ANTXR1: variants seen among roughly 807,000 people sequenced by gnomAD.
The protein encoded by ANTXR1 is ANTXR cell adhesion molecule 1.
Under a neutral mutation model 78.1 loss-of-function variants are expected in ANTXR1, and 19 were observed. The observed-to-expected ratio is 0.24, with a 90% CI of 0.17 to 0.36. The LOEUF (loss-of-function observed/expected upper bound fraction) is 0.36. Ranked by LOEUF, ANTXR1 falls within the 10% of genes least tolerant of loss-of-function variation. The pLI, the probability that ANTXR1 is intolerant of heterozygous loss-of-function variation, is 1.00. For missense variants in ANTXR1, 518 were observed against 718.6 expected (o/e 0.72, Z 3.19); for synonymous variants, 273 against 260.5 (o/e 1.05, Z -0.46).
chr2:69,114,448 C>A (rs1672078833), intron 10 of ANTXR1, among the ~76,000 whole-genome samples: 1 of 152,182 alleles, frequency 6.6e-6, no homozygotes, highest in Admixed American at 6.5e-5. Flanking sequence ...GGCTGCTAGA[C>A]CCTGGGCCTG....
chr2:69,158,155 G>A (rs1673577619), intron 13 of ANTXR1, among the ~76,000 whole-genome samples: 1 of 152,226 alleles, frequency 6.6e-6, no homozygotes, highest in Non-Finnish European at 1.5e-5. Flanking sequence ...ATAATACAGT[G>A]CCTGGCTCAA....
At chr2:69,039,329 C>G (rs1669544703) in intron 1 of ANTXR1, among the ~76,000 whole-genome samples, 2 of 152,154 alleles carry the variant, frequency 1.3e-5, no homozygotes, top group Admixed American at 1.3e-4. Context: ...AATAAAGAAG[C>G]CCCTTTCCAA....
intron 12 of ANTXR1, among the ~76,000 whole-genome samples, chr2:69,149,723 A>G (rs1673340325): frequency 6.6e-6 from 1 of 152,206 alleles, no homozygotes; most frequent in South Asian, 2.1e-4. Context: ...TTGACAAGAT[A>G]GCTTACATCA....
intron 14 of ANTXR1, among the ~76,000 whole-genome samples, chr2:69,179,680 A>G (rs181675466): frequency 1.3e-5 from 2 of 152,370 alleles, no homozygotes; most frequent in Admixed American, 6.5e-5. Flanking sequence ...ATGAGGTTGC[A>G]TGAGTTCAAA....
intron 2 of ANTXR1, 86 bp downstream of exon 2, chr2:69,040,201 A>G: frequency 1.7e-6 from 2 of 1,211,276 alleles, no homozygotes; most frequent in Admixed American, 1.8e-5. Context: ...TAATTACTAC[A>G]TACTTTGGGG....
At position 69,098,902 on chromosome 2, in the gene ANTXR1, C is replaced by A. The variant is rs528312442; in HGVS notation, c.704-3940C>A. On this transcript the variant is annotated intron_variant, in intron 9 of 17. Transcript: ENST00000303714. Reference sequence around the variant, plus strand: ...TCCGGAGGCTGAGGCAGGAGAATAGCTTTAACTTAGGAGGCGGAGGTTGCA... The same window carrying A: ...TCCGGAGGCTGAGGCAGGAGAATAGATTTAACTTAGGAGGCGGAGGTTGCA... Among the ~76,000 whole-genome samples the A allele has an allele frequency of 6.7e-4, 102 of 152,300 alleles. 1 individual carries two copies. Among genetic ancestry groups the A allele is most frequent in the African/African-American group, 2.4e-3 (99 of 41,554 alleles).
intron 3 of ANTXR1, among the ~76,000 whole-genome samples, chr2:69,066,338 C>T: frequency 6.6e-6 from 1 of 151,862 alleles, no homozygotes; most frequent in Non-Finnish European, 1.5e-5. Flanking sequence ...CTCTTGTTCC[C>T]CAAGCTGGAG....
chr2:69,159,076 G>T (rs1383892038), intron 13 of ANTXR1, among the ~76,000 whole-genome samples: 2 of 152,176 alleles, frequency 1.3e-5, no homozygotes, highest in Admixed American at 1.3e-4. Context: ...GTAATGAGTG[G>T]TTGTGTCATG....
chr2:69,131,607 G>A (rs775420620), intron 12 of ANTXR1, among the ~76,000 whole-genome samples: 36 of 152,144 alleles, frequency 2.4e-4, no homozygotes, highest in Non-Finnish European at 4.7e-4. Context: ...CTTGTTCACC[G>A]TCACAACCCA....
intron 8 of ANTXR1, among the ~76,000 whole-genome samples, chr2:69,084,753 CAG>C (rs1670998145): frequency 6.6e-6 from 1 of 151,224 alleles, no homozygotes; most frequent in Admixed American, 6.6e-5. Context: ...TATTTAAAGT[CAG>C]ATTCTATAGA....
intron 17 of ANTXR1, among the ~76,000 whole-genome samples, chr2:69,213,560 T>A (rs1234967261): frequency 2.0e-5 from 3 of 152,222 alleles, no homozygotes; most frequent in African/African-American, 7.2e-5. Context: ...CAAAGCCTCT[T>A]CTTTGTAAGC....
intron 1 of ANTXR1, among the ~76,000 whole-genome samples, chr2:69,031,740 GTTCT>G (rs1181995433): frequency 6.6e-6 from 1 of 152,178 alleles, no homozygotes; most frequent in African/African-American, 2.4e-5. Flanking sequence ...TCCAAGTTTT[GTTCT>G]TTAACTGCTA....
chr2:69,244,150 C>A (rs1373753208), intron 17 of ANTXR1, among the ~76,000 whole-genome samples: 1 of 152,196 alleles, frequency 6.6e-6, no homozygotes, highest in Non-Finnish European at 1.5e-5. Flanking sequence ...GCCTGTGACT[C>A]TGGAGAGCAG....
chr2:69,028,987 C>T (rs1223842111), intron 1 of ANTXR1, among the ~76,000 whole-genome samples: 5 of 151,830 alleles, frequency 3.3e-5, no homozygotes, highest in South Asian at 2.1e-4. Context: ...AAGGCCAAGA[C>T]GGGCAGATTA....
intron 17 of ANTXR1, among the ~76,000 whole-genome samples, chr2:69,242,009 G>T (rs186474412): frequency 1.3e-5 from 2 of 152,094 alleles, no homozygotes; most frequent in Non-Finnish European, 2.9e-5. Flanking sequence ...CTGGCTGCTC[G>T]ATGAGAGCTC....
chr2:69,046,513 T>C (rs1669774141), intron 3 of ANTXR1, among the ~76,000 whole-genome samples: 1 of 152,212 alleles, frequency 6.6e-6, no homozygotes, highest in Non-Finnish European at 1.5e-5. Context: ...AGCAGCATTT[T>C]GTATGGGTCA....
chr2:69,227,881 C>T (rs1328672878), intron 17 of ANTXR1, among the ~76,000 whole-genome samples: 5 of 152,260 alleles, frequency 3.3e-5, no homozygotes, highest in Non-Finnish European at 5.9e-5. Context: ...CCTTGCACCA[C>T]ACTAGGTCAA....
At chr2:69,204,443 A>G (rs531632376) in intron 17 of ANTXR1, among the ~76,000 whole-genome samples, 1 of 152,164 alleles carries the variant, frequency 6.6e-6, no homozygotes, top group African/African-American at 2.4e-5. Context: ...AGAGGCACCA[A>G]AGCTGAGGTC....
chr2:69,106,299 G>A (rs1671807232), intron 10 of ANTXR1, among the ~76,000 whole-genome samples: 1 of 152,140 alleles, frequency 6.6e-6, no homozygotes, highest in South Asian at 2.1e-4. Context: ...TAGATTTGTG[G>A]TCAACAAAAT....
Sources: gnomAD v4.1 joint callset for allele counts (sites outside exome capture counted in the v4.1 genomes callset) on GRCh38, gnomAD v4.1.1 for gene constraint, MANE v1.5 for transcripts, NCBI Gene and HGNC (gene_info 2026-07-23, HGNC 2026-07-21) for gene names.